HIVEP3: variants seen among roughly 807,000 people sequenced by gnomAD.
The protein encoded by HIVEP3 is transcription factor HIVEP3.
Under a neutral mutation model 152.8 loss-of-function variants are expected in HIVEP3, and 49 were observed. That is an observed-to-expected ratio of 0.32 (90% confidence interval 0.26 to 0.41). HIVEP3 has a LOEUF of 0.41. Ranked by LOEUF, HIVEP3 falls within the 10% of genes least tolerant of loss-of-function variation. The pLI, the probability that HIVEP3 is intolerant of heterozygous loss-of-function variation, is 1.00. For missense variants in HIVEP3, 2,790 were observed against 3,103.3 expected, an observed-to-expected ratio of 0.90 and a Z score of 2.40; for synonymous variants, 1,269 against 1,289.0, an observed-to-expected ratio of 0.98 and a Z score of 0.33.
chr1:41,893,099 G>A (rs1479664473), intron 1 of HIVEP3, among the ~76,000 whole-genome samples: 2 of 148,112 alleles, frequency 1.4e-5, no homozygotes, highest in African/African-American at 2.6e-5. Context: ...CTCTAGCGTG[G>A]GTGACAAAGC....
chr1:41,981,699 T>C (rs1008642273), intron 1 of HIVEP3, among the ~76,000 whole-genome samples: 1 of 152,194 alleles, frequency 6.6e-6, no homozygotes, highest in East Asian at 1.9e-4. Flanking sequence ...TAAAGGAAAT[T>C]GCGTTTTGTT....
At chr1:41,952,974 G>C (rs1645118712) in intron 1 of HIVEP3, among the ~76,000 whole-genome samples, 1 of 152,064 alleles carries the variant, frequency 6.6e-6, no homozygotes, top group Admixed American at 6.6e-5. Flanking sequence ...TTGCAGTCTA[G>C]GCACAGCTGT....
chr1:41,525,006 C>T (rs1417923496), intron 5 of HIVEP3, 96 bp from the exon 6 acceptor site: 10 of 1,166,044 alleles, frequency 8.6e-6, no homozygotes, highest in Middle Eastern at 2.7e-4. Flanking sequence ...TCATCCAGCC[C>T]GTTACAGACG....
chr1:41,619,533 A>C (rs554614519), intron 3 of HIVEP3, among the ~76,000 whole-genome samples: 1 of 152,322 alleles, frequency 6.6e-6, no homozygotes, highest in Non-Finnish European at 1.5e-5. Flanking sequence ...GTGCTTTGTC[A>C]CCCAGAATGG....
At chr1:41,797,137 G>C (rs572812114) in intron 1 of HIVEP3, among the ~76,000 whole-genome samples, 1 of 152,340 alleles carries the variant, frequency 6.6e-6, no homozygotes, top group East Asian at 1.9e-4. Context: ...GAAATGTGGA[G>C]TGTCCACCAT....
intron 1 of HIVEP3, among the ~76,000 whole-genome samples, chr1:41,780,089 G>A (rs1648952302): frequency 1.3e-5 from 2 of 152,196 alleles, no homozygotes; most frequent in African/African-American, 4.8e-5. Context: ...ACCTTGCTAG[G>A]GACGAGGTTG....
chr1:41,941,969 G>A (rs1200009477), intron 1 of HIVEP3, among the ~76,000 whole-genome samples: 1 of 152,018 alleles, frequency 6.6e-6, no homozygotes, highest in African/African-American at 2.4e-5. Flanking sequence ...GGACACAGGA[G>A]ATCTGTCACC....
At position 41,512,978 on chromosome 1, in the gene HIVEP3, T is replaced by C. The variant is rs1401227283; in HGVS notation, c.6243A>G (p.Pro2081=). 1 of 1,612,954 alleles carries C rather than the reference T, an allele frequency of 6.2e-7. No individual in the cohort carries two copies. The highest frequency in any genetic ancestry group is 1.1e-5 in the South Asian group (1 of 90,956). ...RWSPGQAESP[P]RSAPPGKWAL... ...CCCACTTCCCTGGCGGCGCTGACCG[T>C]GGTGGTGACTCGGCCTGACCTGGAG... Residue 2081 remains proline, a synonymous_variant, in exon 8 of 9, where the codon CCA becomes CCG. Coordinates refer to ENST00000372583, the MANE Select transcript of HIVEP3 (RefSeq NM_024503.5).
chr1:41,708,141 T>A lies in HIVEP3; in HGVS notation c.-800-7146A>T, dbSNP rs1007043174. Among the ~76,000 whole-genome samples the A allele has an allele frequency of 2.6e-5, 4 of 152,130 alleles. No homozygotes were observed. In the East Asian group the frequency reaches 7.7e-4, roughly 29 times the overall value. On this transcript the variant is annotated intron_variant, in intron 1 of 8. Coordinates refer to ENST00000372583, the MANE Select transcript of HIVEP3 (RefSeq NM_024503.5). ...AATCCTCTGCCCTATCAGGGTGACATTAGGGAGGGACTACCTTTGTGGGGA... is the reference window on the plus strand; with the variant it reads ...AATCCTCTGCCCTATCAGGGTGACAATAGGGAGGGACTACCTTTGTGGGGA...
intron 1 of HIVEP3, among the ~76,000 whole-genome samples, chr1:41,726,309 C>T (rs1646751334): frequency 6.6e-6 from 1 of 152,128 alleles, no homozygotes; most frequent in African/African-American, 2.4e-5. Flanking sequence ...GTCTGGCTGC[C>T]TCCAAGAGTC....
intron 5 of HIVEP3, among the ~76,000 whole-genome samples, chr1:41,568,176 A>T (rs1644197249): frequency 1.3e-5 from 2 of 152,258 alleles, no homozygotes; most frequent in African/African-American, 2.4e-5. Flanking sequence ...ACAGAAGCAC[A>T]CTAGTAAATA....
At chr1:41,536,394 A>G (rs1321849897) in intron 5 of HIVEP3, among the ~76,000 whole-genome samples, 1 of 152,216 alleles carries the variant, frequency 6.6e-6, no homozygotes, top group Non-Finnish European at 1.5e-5. Flanking sequence ...TGAGTGTCAT[A>G]ACATTGTAAA....
chr1:41,917,242 G>A (rs1644884936), intron 1 of HIVEP3, among the ~76,000 whole-genome samples: 1 of 152,074 alleles, frequency 6.6e-6, no homozygotes, highest in South Asian at 2.1e-4. Context: ...AACATGGGCT[G>A]GAGAACACTG....
intron 5 of HIVEP3, among the ~76,000 whole-genome samples, chr1:41,552,789 C>T (rs116773330): frequency 0.015 from 2,211 of 152,270 alleles, 65 homozygotes; most frequent in African/African-American, 0.047. Flanking sequence ...TGAACTCACA[C>T]CAGTTAGAAT....
intron 1 of HIVEP3, among the ~76,000 whole-genome samples, chr1:41,881,181 C>T (rs142970534): frequency 2.4e-4 from 36 of 152,286 alleles, no homozygotes; most frequent in African/African-American, 7.7e-4. Context: ...ATGAGGGCAA[C>T]GAAGACCATG....
rs563961702 is a variant in HIVEP3, at chr1:41,529,487, C to T, written c.5208-4577G>A. 4.0e-5 allele frequency among the ~76,000 whole-genome samples: 4 copies of T among 100,060 alleles called. No individual in the cohort carries two copies. In the East Asian group the frequency reaches 7.2e-4, roughly 18 times the overall value. The allele number at this position is 100,060 out of a possible 152,430, so 65.6% of individuals were successfully genotyped here. A position where few individuals can be genotyped will look rare whatever the true frequency, so the allele number is the denominator to read the frequency against. ...CCCCCAAACTCACACCCCATACTCA[C>T]ATACTCCACACCCCATCCTCACACT... On this transcript the variant is annotated intron_variant, in intron 5 of 8. Transcript: ENST00000372583.
At chr1:41,822,656 C>T (rs1288819580) in intron 1 of HIVEP3, among the ~76,000 whole-genome samples, 5 of 152,174 alleles carry the variant, frequency 3.3e-5, no homozygotes, top group Non-Finnish European at 7.4e-5. Flanking sequence ...TCCAGCTATA[C>T]CATGACAGTC....
intron 1 of HIVEP3, among the ~76,000 whole-genome samples, chr1:41,795,486 T>C (rs1407730028): frequency 6.6e-6 from 1 of 152,198 alleles, no homozygotes; most frequent in Non-Finnish European, 1.5e-5. Context: ...ACTGTGAAGT[T>C]ACTATTTTTT....
intron 1 of HIVEP3, among the ~76,000 whole-genome samples, chr1:41,798,191 T>C (rs1006248798): frequency 6.6e-6 from 1 of 151,300 alleles, no homozygotes; most frequent in African/African-American, 2.4e-5. Context: ...CTAATGTAAA[T>C]GACGAGTTAA....
Sources: allele counts gnomAD v4.1 joint callset (sites outside exome capture counted in the v4.1 genomes callset), GRCh38; gene constraint gnomAD v4.1.1; transcripts MANE v1.5; gene names NCBI Gene and HGNC (gene_info 2026-07-23, HGNC 2026-07-21).